Variants in TPRG1 observed in about 807,000 individuals in gnomAD.
TPRG1 encodes the protein tumor protein p63-regulated gene 1 protein.
Under a neutral mutation model 29.3 loss-of-function variants are expected in TPRG1, and 29 were observed. The observed-to-expected ratio is 0.99, with a 90% CI of 0.74 to 1.35. The LOEUF (loss-of-function observed/expected upper bound fraction) is 1.35. Among genes scored for constraint, TPRG1 ranks in the 40% most tolerant of loss-of-function variants. The probability of loss-of-function intolerance (pLI) is 0.00; values close to 1 mark genes in which losing one functional copy is unlikely to be tolerated. For synonymous variants in TPRG1, 130 were observed against 116.8 expected (o/e 1.11, Z -0.73); for missense variants, 327 against 335.0 (o/e 0.98, Z 0.19).
chr3:188,999,036 T>C (rs933081682), intron 1 of TPRG1, among the ~76,000 whole-genome samples: 4 of 152,200 alleles, frequency 2.6e-5, no homozygotes, highest in African/African-American at 7.2e-5. Context: ...CCATATTTGG[T>C]CATTACAATT....
At chr3:189,282,215 C>CAAAA (rs577174841) in intron 4 of TPRG1, among the ~76,000 whole-genome samples, 2 of 94,714 alleles carry the variant, frequency 2.1e-5, no homozygotes, top group Non-Finnish European at 3.9e-5. Flanking sequence ...TAGTCCTTTC[C>CAAAA]AAAAAAAAAA....
intron 1 of TPRG1, among the ~76,000 whole-genome samples, chr3:189,188,576 T>C (rs1020492): frequency 0.66 from 100,558 of 151,984 alleles, 34,274 homozygotes; most frequent in African/African-American, 0.84. Context: ...AAGACTAGAA[T>C]TTCTGCCAAG....
intron 1 of TPRG1, among the ~76,000 whole-genome samples, chr3:189,192,722 T>C (rs1051995611): frequency 6.6e-6 from 1 of 152,216 alleles, no homozygotes; most frequent in African/African-American, 2.4e-5. Context: ...TTTCTGTCAT[T>C]ATAAGGTTTG....
At chr3:189,045,285 G>A (rs141661392) in intron 4 of TPRG1, among the ~76,000 whole-genome samples, 97 of 152,306 alleles carry the variant, frequency 6.4e-4, no homozygotes, top group African/African-American at 2.2e-3. Flanking sequence ...AAATTGCAGT[G>A]TACTCATCAA....
At chr3:189,152,804 G>GGTACCCT (rs1560493110) in intron 5 of TPRG1, among the ~76,000 whole-genome samples, 5 of 87,228 alleles carry the variant, frequency 5.7e-5, no homozygotes, top group African/African-American at 1.6e-4. Context: ...ATTGCTACCT[G>GGTACCCT]CCATTATTAT....
Position 189,135,199 on chromosome 3 carries a change from C to T in TPRG1, c.-291+2502C>T, listed in dbSNP as rs1723596216. ...GGTCCCTCTGACCCTAAAAATCATA[C>T]AGTCCCTGGGCCAAAATGGCCTCAT... On this transcript the variant is annotated intron_variant, in intron 3 of 6. Transcript: ENST00000412373. 1.3e-5 allele frequency among the ~76,000 whole-genome samples: 2 copies of T among 152,158 alleles called. 1 individual carries two copies. Among genetic ancestry groups the T allele is most frequent in the South Asian group, 4.1e-4 (2 of 4,828 alleles).
intron 1 of TPRG1, among the ~76,000 whole-genome samples, chr3:189,103,563 G>A (rs1719456687): frequency 6.6e-6 from 1 of 152,160 alleles, no homozygotes; most frequent in African/African-American, 2.4e-5. Context: ...ATGAGACAGA[G>A]ACTGTATGTT....
chr3:189,181,454 C>A (rs1651578358), intron 1 of TPRG1, among the ~76,000 whole-genome samples: 1 of 152,164 alleles, frequency 6.6e-6, no homozygotes, highest in East Asian at 1.9e-4. Flanking sequence ...TTGCTTCTGG[C>A]AGGTACTCTA....
intron 4 of TPRG1, among the ~76,000 whole-genome samples, chr3:189,090,299 G>C (rs1485901572): frequency 6.6e-6 from 1 of 151,978 alleles, no homozygotes; most frequent in African/African-American, 2.4e-5. Flanking sequence ...GGAGAGGATG[G>C]ATAATGTTTG....
intron 1 of TPRG1, among the ~76,000 whole-genome samples, chr3:189,187,180 G>A (rs934158480): frequency 6.6e-6 from 1 of 151,850 alleles, no homozygotes; most frequent in Non-Finnish European, 1.5e-5. Context: ...TAGAGACGGG[G>A]TTTTGCCATG....
chr3:189,172,652 G>T (rs563040105), intron 1 of TPRG1, among the ~76,000 whole-genome samples: 1 of 152,134 alleles, frequency 6.6e-6, no homozygotes, highest in Non-Finnish European at 1.5e-5. Flanking sequence ...AGTTTGAGAG[G>T]GTTATTTTTG....
intron 2 of TPRG1, among the ~76,000 whole-genome samples, chr3:189,129,876 C>T (rs1722913120): frequency 6.6e-6 from 1 of 152,114 alleles, no homozygotes. Flanking sequence ...ATTGATCAAA[C>T]ATTTACTTCT....
chr3:189,207,438 G>C lies in TPRG1; in HGVS notation c.54G>C (p.Glu18Asp), dbSNP rs771253755. ...EGFQAVSLKQ[E>D]GDDQPSETDH... ...TCCAGGCTGTGTCTCTGAAGCAAGA[G>C]GGAGATGACCAACCCTCTGAGACTG... The change falls in exon 2 of 6, where the codon GAG becomes GAC. Residue 18 changes from glutamate (E) to aspartate (D), a missense_variant. Glu to Asp is a conservative substitution (Grantham distance 45). Coordinates refer to ENST00000345063, the MANE Select transcript of TPRG1 (RefSeq NM_198485.4). The C allele has an allele frequency of 2.5e-6, 4 of 1,614,038 alleles. No individual in the cohort carries two copies. In the Admixed American group the frequency reaches 6.7e-5, roughly 27 times the overall value.
intron 1 of TPRG1, among the ~76,000 whole-genome samples, chr3:189,196,897 A>G (rs1365093934): frequency 6.6e-6 from 1 of 152,232 alleles, no homozygotes; most frequent in Non-Finnish European, 1.5e-5. Flanking sequence ...AATACTTTCC[A>G]TGAATTTTAT....
intron 4 of TPRG1, among the ~76,000 whole-genome samples, chr3:189,060,744 A>G (rs1716049918): frequency 6.6e-6 from 1 of 152,182 alleles, no homozygotes; most frequent in South Asian, 2.1e-4. Context: ...CCAGAAAGGT[A>G]AAATATCTCT....
At chr3:189,090,781 TATA>T (rs1394653953) in intron 4 of TPRG1, among the ~76,000 whole-genome samples, 3 of 152,118 alleles carry the variant, frequency 2.0e-5, no homozygotes, top group Non-Finnish European at 4.4e-5. Context: ...GTATATCTTT[TATA>T]ATAACTTATT....
chr3:189,253,690 T>C (rs558217022), intron 4 of TPRG1, among the ~76,000 whole-genome samples: 82 of 152,316 alleles, frequency 5.4e-4, no homozygotes, highest in African/African-American at 1.9e-3. Context: ...TCTTCCACAA[T>C]GGTTGAACTA....
chr3:189,132,022 AC>A (rs1340013071), intron 2 of TPRG1, among the ~76,000 whole-genome samples: 1 of 152,150 alleles, frequency 6.6e-6, no homozygotes, highest in Non-Finnish European at 1.5e-5. Context: ...GAAAAATGAA[AC>A]TTTTAACTAG....
intron 4 of TPRG1, among the ~76,000 whole-genome samples, chr3:189,303,512 C>G (rs1721156425): frequency 2.0e-5 from 3 of 152,106 alleles, no homozygotes; most frequent in Admixed American, 1.3e-4. Context: ...AAGAAAGTGA[C>G]TATAAATGCA....
Sources: allele counts gnomAD v4.1 joint callset (sites outside exome capture counted in the v4.1 genomes callset), GRCh38; gene constraint gnomAD v4.1.1; transcripts MANE v1.5; gene names NCBI Gene and HGNC (gene_info 2026-07-23, HGNC 2026-07-21).